SCRT2: variants seen among roughly 807,000 people sequenced by gnomAD.
SCRT2 encodes the protein transcriptional repressor scratch 2.
A neutral mutation model predicts 3.7 loss-of-function variants in SCRT2; 2 were observed. That is an observed-to-expected ratio of 0.54 (90% CI 0.22 to 1.70). The LOEUF is 1.70. SCRT2 is among the 40% of genes most tolerant of loss of function. The probability of loss-of-function intolerance (pLI) is 0.19; values close to 1 mark genes in which losing one functional copy is unlikely to be tolerated. For missense variants in SCRT2, 456 were observed against 468.5 expected (o/e 0.97, Z 0.25); for synonymous variants, 256 against 220.6 (o/e 1.16, Z -1.42).
In SCRT2 at chr20:664,603, C is replaced by T. The variant is rs1418594575; in HGVS notation, c.134-142G>A. Reference sequence around the variant, plus strand: ...TGGTGGTCTCCGACCTGCACCTCAGCTCTTCCTGTCAGGCAGCCTGGGTTC... The same window carrying T: ...TGGTGGTCTCCGACCTGCACCTCAGTTCTTCCTGTCAGGCAGCCTGGGTTC... On this transcript the variant is annotated intron_variant, in intron 1 of 1. Transcript: ENST00000246104. This position sits in a 1 kb window ranked among gnomAD's most constrained non-coding sequence, Gnocchi z 7.9. 4 of 524,610 alleles carry T rather than the reference C, an allele frequency of 7.6e-6. No homozygotes were observed. Among genetic ancestry groups the T allele is most frequent in the Non-Finnish European group, 1.2e-5 (4 of 341,430 alleles). The allele number at this position is 524,610 out of a possible 1,614,324, so 32.5% of individuals were successfully genotyped here. A position where few individuals can be genotyped will look rare whatever the true frequency, so the allele number is the denominator to read the frequency against.
chr20:667,437 G>T lies in SCRT2; in HGVS notation c.134-2976C>A, dbSNP rs1359606460. On this transcript the variant is annotated intron_variant, in intron 1 of 1. Coordinates refer to ENST00000246104, the MANE Select transcript of SCRT2 (RefSeq NM_033129.4). This position sits in a 1 kb window ranked among gnomAD's most constrained non-coding sequence, Gnocchi z 4.4. ...GGGTTTCTGTGCTGCAGCTTTCTTG[G>T]CATCTGCCCCAACACATCGTGCTGC... 6.6e-6 allele frequency among the ~76,000 whole-genome samples: 1 copy of T among 152,134 alleles called. No homozygotes were observed. Among genetic ancestry groups the T allele is most frequent in the Admixed American group, 6.5e-5 (1 of 15,274 alleles).
rs1447245159 is a variant in SCRT2 at position 675,484 on chromosome 20, G to T, written c.118C>A (p.Pro40Thr). Reference sequence around the variant, plus strand: ...TCCCACTCACCGTTGTCCCCGGGAGGCCCCCGGGCGCCAGGCAGCACGTAG... The same window carrying T: ...TCCCACTCACCGTTGTCCCCGGGAGTCCCCCGGGCGCCAGGCAGCACGTAG... Reference protein sequence around the residue: ...TAYVLPGARGPPGDNGYAPHR... With the variant: ...TAYVLPGARGTPGDNGYAPHR... Residue 40 changes from proline to threonine, a missense_variant, in exon 1 of 2, where the codon CCT (proline) becomes ACT (threonine). This residue lies in a region of SCRT2 where 306 missense variants were observed against 305.3 expected (regional missense o/e 1.00). Coordinates refer to ENST00000246104, the MANE Select transcript of SCRT2 (RefSeq NM_033129.4). This position sits in a 1 kb window ranked among gnomAD's most constrained non-coding sequence, Gnocchi z 6.9. 2.9e-6 allele frequency: 4 copies of T among 1,357,894 alleles called. No homozygotes were observed. In the African/African-American group the frequency reaches 6.0e-5, roughly 20 times the overall value. 84.1% of individuals were successfully genotyped at this position (1,357,894 alleles called of 1,614,324 possible).
rs750301833 is a variant in SCRT2 at position 664,373 on chromosome 20, C to T, written c.222G>A (p.Pro74=). 2 of 1,433,604 alleles carry T rather than the reference C, an allele frequency of 1.4e-6. No individual in the cohort carries two copies. The highest frequency in any genetic ancestry group is 2.8e-5 in the South Asian group (2 of 70,710). 88.8% of individuals were successfully genotyped at this position (1,433,604 alleles called of 1,614,324 possible). A position where few individuals can be genotyped will look rare whatever the true frequency, so the allele number is the denominator to read the frequency against. Residue 74 remains proline, a synonymous_variant, in exon 2 of 2, where the codon CCG becomes CCA. Coordinates refer to ENST00000246104, the MANE Select transcript of SCRT2 (RefSeq NM_033129.4). This position sits in a 1 kb window ranked among gnomAD's most constrained non-coding sequence, Gnocchi z 7.9. ...CGCTGTACTCCTCCGGCGCCGCCGG[C>T]GGGTACGCGGGCTCGGCCGGGGCCA... is the stretch of plus-strand genomic sequence containing the variant. ...LELAPAEPAY[P]PAAPEEYSDP...
In SCRT2 at chr20:664,527, G is replaced by A. The variant is rs1188819352; in HGVS notation, c.134-66C>T. 8.8e-7 allele frequency: 1 copy of A among 1,141,712 alleles called. No individual in the cohort carries two copies. The highest frequency in any genetic ancestry group is 1.1e-6 in the Non-Finnish European group (1 of 903,066). 70.7% of individuals were successfully genotyped at this position (1,141,712 alleles called of 1,614,324 possible). On this transcript the variant is annotated intron_variant, in intron 1 of 1. Transcript: ENST00000246104. The surrounding 1 kb of genome is among the most constrained non-coding windows in gnomAD (Gnocchi z 7.9). ...CCGAAGAGGGTTTCCCGCTTTGAGC[G>A]CGTCACCCTTTGCGCCTTCCAGCTT...
chr20:663,924 G>A lies in SCRT2; in HGVS notation c.671C>T (p.Pro224Leu). The change falls in exon 2 of 2, where the codon CCC becomes CTC. Residue 224 changes from proline to leucine, a missense_variant. Coordinates refer to ENST00000246104, the MANE Select transcript of SCRT2 (RefSeq NM_033129.4). The surrounding 1 kb of genome is among the most constrained non-coding windows in gnomAD (Gnocchi z 6.9). ...CGVCGKAFSR[P>L]WLLQGHMRSH... ...GCGCATGTGACCCTGCAGCAGCCAG[G>A]GCCGCGAGAAGGCCTTGCCGCAGAC... 4 of 1,608,144 alleles carry A rather than the reference G, an allele frequency of 2.5e-6. No individual in the cohort carries two copies. Among genetic ancestry groups the A allele is most frequent in the African/African-American group, 1.3e-5 (1 of 75,002 alleles).
Position 675,524 on chromosome 20 carries a change from G to A in SCRT2, c.78C>T (p.His26=). The A allele has an allele frequency of 2.2e-6, 3 of 1,394,612 alleles. No homozygotes were observed. The highest frequency in any genetic ancestry group is 1.5e-5 in the African/African-American group (1 of 67,534). 86.4% of individuals were successfully genotyped at this position (1,394,612 alleles called of 1,614,324 possible). Residue 26 remains histidine (H), a synonymous_variant, in exon 1 of 2, where the codon CAC becomes CAT. Transcript: ENST00000246104. The surrounding 1 kb of genome is among the most constrained non-coding windows in gnomAD (Gnocchi z 6.9). ...GCAGCACGTAGGCTGTCTCCAAGGG[G>A]TGGTAGGTGGGGGCCGGCACCCCGC... ...QCSGVPAPTY[H]PLETAYVLPG...
At chr20:674,429 AC>A (rs1984452784) in intron 1 of SCRT2, among the ~76,000 whole-genome samples, 1 of 145,052 alleles carries the variant, frequency 6.9e-6, no homozygotes, top group Non-Finnish European at 1.5e-5. Flanking sequence ...ACACACACAC[AC>A]ACACACACAC....
At position 664,215 on chromosome 20, in the gene SCRT2, C is replaced by A; in HGVS notation, c.380G>T (p.Gly127Val). The change falls in exon 2 of 2, where the codon GGG becomes GTG. Residue 127 changes from glycine (G) to valine (V), a missense_variant. Physicochemically the swap from Gly to Val is moderately radical, Grantham distance 109 (BLOSUM62 -3). Around this residue, in one of 3 missense-constraint regions of SCRT2, gnomAD observed 306 missense variants for 305.3 expected, o/e 1.00. Transcript: ENST00000246104. This position sits in a 1 kb window ranked among gnomAD's most constrained non-coding sequence, Gnocchi z 7.9. ...CGCGTCTCCCGAGCCCCCCGCGTCCCCGCCGCCCCCGCCCCGCCGCCGCCG... is the reference window on the plus strand; with the variant it reads ...CGCGTCTCCCGAGCCCCCCGCGTCCACGCCGCCCCCGCCCCGCCGCCGCCG... ...RSRRRRGGGG[G>V]DAGGSGDAGG... The A allele has an allele frequency of 8.1e-7, 1 of 1,233,852 alleles. No individual in the cohort carries two copies. The highest frequency in any genetic ancestry group is 1.0e-6 in the Non-Finnish European group (1 of 983,494). The allele number at this position is 1,233,852 out of a possible 1,614,324, so 76.4% of individuals were successfully genotyped here.
In SCRT2 at chr20:663,688, CG is replaced by C; in HGVS notation, c.906del (p.Ala303ProfsTer42). 1.3e-6 allele frequency: 2 copies of C among 1,502,196 alleles called. No individual in the cohort carries two copies. The highest frequency in any genetic ancestry group is 1.8e-6 in the Non-Finnish European group (2 of 1,126,818). The allele number at this position is 1,502,196 out of a possible 1,614,324, so 93.1% of individuals were successfully genotyped here. ...CGGAAGGCTCAGCTGGCCGGGCCGG[CG>C]GGGGTCGGCGGGGGTGGCTCGGCCG... ...AKAAEPPPPTPAGPAS is the reference protein window; with the variant it reads ...AKAAEPPPPTXAGPAS On this transcript the variant is annotated frameshift_variant, in exon 2 of 2. Transcript: ENST00000246104. LOFTEE classifies it low-confidence loss of function (END_TRUNC). The surrounding 1 kb of genome is among the most constrained non-coding windows in gnomAD (Gnocchi z 6.9).
intron 1 of SCRT2, among the ~76,000 whole-genome samples, chr20:668,950 G>A (rs1600473531): frequency 6.6e-6 from 1 of 152,232 alleles, no homozygotes; most frequent in Non-Finnish European, 1.5e-5. Flanking sequence ...CAGAGGCCCA[G>A]AGAGGGGAGA....
chr20:667,491 G>A lies in SCRT2; in HGVS notation c.134-3030C>T, dbSNP rs189009323. ...TCTCTGGGCCTCTGTTTCCTCACCC[G>A]GGATGTGTAATTTCTATTTCACGTT... On this transcript the variant is annotated intron_variant, in intron 1 of 1. Transcript: ENST00000246104. The surrounding 1 kb of genome is among the most constrained non-coding windows in gnomAD (Gnocchi z 4.4). Among the ~76,000 whole-genome samples, 9 of 152,244 alleles carry A rather than the reference G, an allele frequency of 5.9e-5. No individual in the cohort carries two copies. The East Asian group carries it at 1.5e-3, about 26-fold the overall frequency.
At chr20:670,541 G>C (rs1426885918) in intron 1 of SCRT2, among the ~76,000 whole-genome samples, 6 of 152,330 alleles carry the variant, frequency 3.9e-5, no homozygotes, top group African/African-American at 1.4e-4. Flanking sequence ...CACTAGGGAG[G>C]TGTGACAGGG....
intron 1 of SCRT2, among the ~76,000 whole-genome samples, chr20:670,409 A>G (rs1221251112): frequency 6.6e-6 from 1 of 152,166 alleles, no homozygotes; most frequent in East Asian, 1.9e-4. Context: ...GCCTGGCAGT[A>G]GACGCTTCAC....
rs772414974 is a variant in SCRT2, at chr20:664,229, C to T, written c.366G>A (p.Arg122=). The change falls in exon 2 of 2, where the codon CGG becomes CGA. Residue 122 remains arginine, a synonymous_variant. Coordinates refer to ENST00000246104, the MANE Select transcript of SCRT2 (RefSeq NM_033129.4). This position sits in a 1 kb window ranked among gnomAD's most constrained non-coding sequence, Gnocchi z 7.9. ...FISDGRSRRR[R]GGGGGDAGGS... ...CCCCCGCGTCCCCGCCGCCCCCGCC[C>T]CGCCGCCGCCGCGAGCGCCCGTCCG... 10 of 1,280,268 alleles carry T rather than the reference C, an allele frequency of 7.8e-6. No homozygotes were observed. The African/African-American group carries it at 1.5e-4, about 20-fold the overall frequency. 79.3% of individuals were successfully genotyped at this position (1,280,268 alleles called of 1,614,324 possible).
Position 667,410 on chromosome 20 carries a change from A to T in SCRT2, c.134-2949T>A, listed in dbSNP as rs1158841631. Among the ~76,000 whole-genome samples the T allele has an allele frequency of 1.3e-5, 2 of 152,120 alleles. No homozygotes were observed. Among genetic ancestry groups the T allele is most frequent in the Admixed American group, 1.3e-4 (2 of 15,276 alleles). On this transcript the variant is annotated intron_variant, in intron 1 of 1. Coordinates refer to ENST00000246104, the MANE Select transcript of SCRT2 (RefSeq NM_033129.4). This position sits in a 1 kb window ranked among gnomAD's most constrained non-coding sequence, Gnocchi z 4.4. ...TGAACAATAATAACAATCTCCCCAG[A>T]TGGGTTTCTGTGCTGCAGCTTTCTT...
chr20:674,601 C>T (rs955710492), intron 1 of SCRT2, among the ~76,000 whole-genome samples: 3 of 152,138 alleles, frequency 2.0e-5, no homozygotes, highest in African/African-American at 7.2e-5. Flanking sequence ...CCCCTGCCTT[C>T]CAGAGATCAC....
Position 675,364 on chromosome 20 carries a change from G to A in SCRT2, c.133+105C>T. The A allele has an allele frequency of 3.1e-6, 3 of 980,966 alleles. No individual in the cohort carries two copies. Among genetic ancestry groups the A allele is most frequent in the Non-Finnish European group, 4.0e-6 (3 of 751,066 alleles). 60.8% of individuals were successfully genotyped at this position (980,966 alleles called of 1,614,324 possible). A position where few individuals can be genotyped will look rare whatever the true frequency, so the allele number is the denominator to read the frequency against. On this transcript the variant is annotated intron_variant, in intron 1 of 1. Transcript: ENST00000246104. This position sits in a 1 kb window ranked among gnomAD's most constrained non-coding sequence, Gnocchi z 6.9. ...CCACGGCCAGAGAGATCTCCTCCCG[G>A]GGGTTTCCTGTCGCACGCGCCCCTC...
chr20:675,542 C>A lies in SCRT2; in HGVS notation c.60G>T (p.Val20=). The part of the protein sequence containing the change: ...IKGDGFQCSG[V]PAPTYHPLET... ...CCAAGGGGTGGTAGGTGGGGGCCGG[C>A]ACCCCGCTGCACTGGAAGCCGTCCC... Residue 20 remains valine, a synonymous_variant, in exon 1 of 2, where the codon GTG becomes GTT. Transcript: ENST00000246104. This position sits in a 1 kb window ranked among gnomAD's most constrained non-coding sequence, Gnocchi z 6.9. The A allele has an allele frequency of 1.4e-6, 2 of 1,392,546 alleles. No individual in the cohort carries two copies. The highest frequency in any genetic ancestry group is 1.8e-5 in the South Asian group (1 of 55,008). The allele number at this position is 1,392,546 out of a possible 1,614,324, so 86.3% of individuals were successfully genotyped here.
rs1340325534 is a variant in SCRT2, at chr20:664,082, G to A, written c.513C>T (p.Ser171=). Residue 171 remains serine (S), a synonymous_variant, in exon 2 of 2, where the codon AGC becomes AGT. Coordinates refer to ENST00000246104, the MANE Select transcript of SCRT2 (RefSeq NM_033129.4). The surrounding 1 kb of genome is among the most constrained non-coding windows in gnomAD (Gnocchi z 7.9). ...GKTYATSSNL[S]RHKQTHRSLD... is the part of the protein sequence containing the mutation. ...GGCTGCGGTGCGTCTGCTTGTGGCGGCTCAGGTTCGACGACGTGGCGTAGG... is the reference window on the plus strand; with the variant it reads ...GGCTGCGGTGCGTCTGCTTGTGGCGACTCAGGTTCGACGACGTGGCGTAGG... 1.9e-6 allele frequency: 3 copies of A among 1,610,016 alleles called. No individual in the cohort carries two copies. Among genetic ancestry groups the A allele is most frequent in the East Asian group, 2.2e-5 (1 of 44,812 alleles).
Sources: allele counts gnomAD v4.1 joint callset (sites outside exome capture counted in the v4.1 genomes callset), GRCh38; gene constraint gnomAD v4.1.1; regional missense constraint gnomAD v4.1.1; non-coding constraint Gnocchi (gnomAD v3.1); transcripts MANE v1.5; gene names NCBI Gene and HGNC (gene_info 2026-07-23, HGNC 2026-07-21).